Variants in AHCY observed in about 807,000 individuals in gnomAD.
AHCY encodes adenosylhomocysteinase, also known as S-adenosyl-L-homocysteine hydrolase.
Under a neutral mutation model 45.4 loss-of-function variants are expected in AHCY, and 24 were observed. The observed-to-expected ratio is 0.53, with a 90% confidence interval of 0.38 to 0.74. The LOEUF (loss-of-function observed/expected upper bound fraction) is 0.74, where lower values mean the gene tolerates loss of function less well. Ranked by LOEUF, AHCY falls within the 30% of genes least tolerant of loss-of-function variation. The pLI is 0.00. For synonymous variants in AHCY, 245 were observed against 235.1 expected (o/e 1.04, Z -0.39); for missense variants, 449 against 594.1 (o/e 0.76, Z 2.54).
rs1192183693 is a variant in AHCY, at chr20:34,303,255, G to A, written c.16C>T (p.Pro6Ser). Residue 6 changes from proline (P) to serine (S), a missense_variant, in exon 1 of 10, where the codon CCC becomes TCC. Physicochemically the swap from Pro to Ser is moderately conservative, Grantham distance 74. Transcript: ENST00000217426. ...TCCTGGGACTCACCGACTTTGTAGGGCAGTTTGTCAGACATGCTGGCGGCA... is the reference window on the plus strand; with the variant it reads ...TCCTGGGACTCACCGACTTTGTAGGACAGTTTGTCAGACATGCTGGCGGCA... MSDKL[P>S]YKVADIGLAA... The A allele has an allele frequency of 4.5e-6, 7 of 1,551,748 alleles. No individual in the cohort carries two copies. The highest frequency in any genetic ancestry group is 4.9e-5 in the East Asian group (2 of 40,936).
intron 8 of AHCY, among the ~76,000 whole-genome samples, chr20:34,287,660 G>A (rs528435693): frequency 6.6e-6 from 1 of 152,216 alleles, no homozygotes; most frequent in South Asian, 2.1e-4. Context: ...CCAAAGTGCT[G>A]GAATTACAGG....
chr20:34,304,994 C>T (rs895902157), upstream of AHCY, among the ~76,000 whole-genome samples: 11 of 150,200 alleles, frequency 7.3e-5, no homozygotes, highest in African/African-American at 2.4e-4. Context: ...GGCCTCTACT[C>T]ATTTTTTAAC....
chr20:34,272,140 C>T, the AHCY span, among the ~76,000 whole-genome samples: 1 of 152,146 alleles, frequency 6.6e-6, no homozygotes. Flanking sequence ...CCAACCTCTT[C>T]AGTCCTTGCA....
chr20:34,258,695 AC>A, the AHCY span, among the ~76,000 whole-genome samples: 2,328 of 15,320 alleles, frequency 0.15, 395 homozygotes, highest in East Asian at 0.35. Context: ...ATATATACAT[AC>A]TATATATATA....
At chr20:34,309,733 A>G (rs2036929201) in intron 1 of AHCY, among the ~76,000 whole-genome samples, 1 of 152,192 alleles carries the variant, frequency 6.6e-6, no homozygotes, top group South Asian at 2.1e-4. Flanking sequence ...GTGAGCCGAG[A>G]TCGTGCCATT....
chr20:34,248,051 G>A, the AHCY span, among the ~76,000 whole-genome samples: 1 of 152,004 alleles, frequency 6.6e-6, no homozygotes, highest in Non-Finnish European at 1.5e-5. Context: ...ACTAAAAATA[G>A]AAAAATTAGC....
chr20:34,295,087 G>A (rs1013848500), intron 2 of AHCY: 1 of 468,636 alleles, frequency 2.1e-6, no homozygotes, highest in African/African-American at 2.0e-5. Flanking sequence ...GAAGGGCCAA[G>A]GCAAGCTGGC....
At chr20:34,301,886 G>C (rs1372471848) in intron 1 of AHCY, 1 of 985,326 alleles carries the variant, frequency 1.0e-6, no homozygotes, top group African/African-American at 1.7e-5. Flanking sequence ...CTATATAACG[G>C]GATTACGTCC....
the AHCY span, among the ~76,000 whole-genome samples, chr20:34,258,698 A>ATATATATATATAC: frequency 1.6e-5 from 1 of 62,048 alleles, no homozygotes; most frequent in African/African-American, 8.8e-5. Flanking sequence ...TATACATACT[A>ATATATATATATAC]TATATATATA....
At chr20:34,307,528 G>A (rs1453480829), upstream of AHCY, among the ~76,000 whole-genome samples, 5 of 152,028 alleles carry the variant, frequency 3.3e-5, no homozygotes, top group African/African-American at 7.2e-5. Context: ...ACATGCCACC[G>A]TGTCCAGCTA....
upstream of AHCY, among the ~76,000 whole-genome samples, chr20:34,305,185 G>A (rs960384157): frequency 6.7e-6 from 1 of 149,358 alleles, no homozygotes; most frequent in Admixed American, 6.6e-5. Flanking sequence ...TTAGCTGGGC[G>A]TGGTGTCGGG....
the AHCY span, among the ~76,000 whole-genome samples, chr20:34,271,128 G>A: frequency 6.6e-6 from 1 of 151,992 alleles, no homozygotes; most frequent in Non-Finnish European, 1.5e-5. Flanking sequence ...TTTTAGTAGA[G>A]ACAGGGTTTC....
intron 9 of AHCY, chr20:34,281,553 A>C: frequency 3.0e-6 from 1 of 334,544 alleles, no homozygotes; most frequent in Non-Finnish European, 5.8e-6. Context: ...GTATCTATCA[A>C]TCTCAGCTCA....
intron 1 of AHCY, among the ~76,000 whole-genome samples, chr20:34,310,190 A>G (rs1039645472): frequency 9.9e-5 from 15 of 152,048 alleles, no homozygotes; most frequent in African/African-American, 3.6e-4. Flanking sequence ...AGTAGCTGGG[A>G]TTACAGGCGC....
chr20:34,239,729 T>C, the AHCY span, among the ~76,000 whole-genome samples: 1 of 152,212 alleles, frequency 6.6e-6, no homozygotes, highest in Non-Finnish European at 1.5e-5. Context: ...TATTCACTTA[T>C]CTTTCCAGTT....
the AHCY span, among the ~76,000 whole-genome samples, chr20:34,248,524 C>T: frequency 6.6e-6 from 1 of 152,106 alleles, no homozygotes; most frequent in Non-Finnish European, 1.5e-5. Context: ...ATATTCAGGT[C>T]AGGCACGATG....
At chr20:34,296,347 G>T (rs1483396273) in intron 1 of AHCY, among the ~76,000 whole-genome samples, 2 of 152,116 alleles carry the variant, frequency 1.3e-5, no homozygotes, top group African/African-American at 4.8e-5. Flanking sequence ...GCTGAATCTG[G>T]GGGTTCAATA....
the AHCY span, among the ~76,000 whole-genome samples, chr20:34,249,223 G>A: frequency 6.6e-6 from 1 of 152,064 alleles, no homozygotes; most frequent in Non-Finnish European, 1.5e-5. Context: ...GTCACACAGG[G>A]AGCTAGTGGC....
upstream of AHCY, chr20:34,303,386 T>G (rs1002595710): frequency 2.8e-6 from 4 of 1,436,780 alleles, no homozygotes; most frequent in African/African-American, 1.4e-5. Flanking sequence ...CCTTTAAATA[T>G]CTTCCTCGCA....
Sources: allele counts gnomAD v4.1 joint callset (sites outside exome capture counted in the v4.1 genomes callset), GRCh38; gene constraint gnomAD v4.1.1; transcripts MANE v1.5; gene names NCBI Gene and HGNC (gene_info 2026-07-23, HGNC 2026-07-21).